The following DENND2B variants were observed in gnomAD, a reference collection of about 807,000 sequenced individuals.
DENND2B encodes DENN domain containing 2B, also known as DENN domain-containing protein 2B.
Under a neutral mutation model 116.0 loss-of-function variants are expected in DENND2B, and 32 were observed. The observed-to-expected ratio is 0.28, with a 90% CI of 0.21 to 0.37. The LOEUF (loss-of-function observed/expected upper bound fraction) is 0.37, where lower values mean the gene tolerates loss of function less well. Among genes scored for constraint, DENND2B ranks in the 10% least tolerant of loss-of-function variants. The pLI, the probability that DENND2B is intolerant of heterozygous loss-of-function variation, is 1.00. For synonymous variants in DENND2B, 588 were observed against 583.9 expected (o/e 1.01, Z -0.10); for missense variants, 1,276 against 1,477.7 (o/e 0.86, Z 2.24).
chr11:8,825,928 T>C (rs1177169306), intron 4 of DENND2B, among the ~76,000 whole-genome samples: 4 of 152,124 alleles, frequency 2.6e-5, no homozygotes, highest in African/African-American at 7.2e-5. Context: ...AGAACAAAAG[T>C]GTTTCCAGGG....
chr11:8,755,939 T>C (rs901217195), intron 1 of DENND2B, among the ~76,000 whole-genome samples: 16 of 152,216 alleles, frequency 1.1e-4, no homozygotes, highest in African/African-American at 3.6e-4. Flanking sequence ...GTAAAGTGCT[T>C]GGCATATCAT....
At chr11:8,902,692 C>T (rs1007611798) in intron 1 of DENND2B, among the ~76,000 whole-genome samples, 1 of 152,180 alleles carries the variant, frequency 6.6e-6, no homozygotes, top group Admixed American at 6.5e-5. Flanking sequence ...AAGGTATCTG[C>T]AGGATTCTGT....
chr11:8,860,532 A>T (rs2063355838), intron 2 of DENND2B, among the ~76,000 whole-genome samples: 1 of 152,164 alleles, frequency 6.6e-6, no homozygotes, highest in Admixed American at 6.6e-5. Context: ...CGCTGCTGAA[A>T]GAAACCACAG....
chr11:8,761,789 T>C (rs2054689278), intron 1 of DENND2B, among the ~76,000 whole-genome samples: 1 of 151,586 alleles, frequency 6.6e-6, no homozygotes, highest in Non-Finnish European at 1.5e-5. Context: ...CGAGTAAGAC[T>C]AGGAAATAAT....
chr11:8,791,185 T>C (rs780529305), intron 1 of DENND2B, among the ~76,000 whole-genome samples: 18 of 152,116 alleles, frequency 1.2e-4, no homozygotes, highest in South Asian at 2.1e-4. Context: ...TGCTGCCACC[T>C]CAGCCAGGGT....
At chr11:8,760,632 A>G (rs917452351) in intron 1 of DENND2B, among the ~76,000 whole-genome samples, 1 of 152,178 alleles carries the variant, frequency 6.6e-6, no homozygotes, top group African/African-American at 2.4e-5. Context: ...AAAAAAGAGA[A>G]GAGAAGAGAA....
chr11:8,872,568 A>T (rs2063799988), upstream of DENND2B, among the ~76,000 whole-genome samples: 1 of 152,184 alleles, frequency 6.6e-6, no homozygotes, highest in South Asian at 2.1e-4. Flanking sequence ...TAATGGCAAG[A>T]ACCAAACTGA....
chr11:8,889,469 G>A (rs995605507), intron 1 of DENND2B, among the ~76,000 whole-genome samples: 1 of 152,262 alleles, frequency 6.6e-6, no homozygotes. Context: ...GGAAACGCAA[G>A]GGTCAGGGAA....
intron 3 of DENND2B, among the ~76,000 whole-genome samples, chr11:8,852,364 AG>A (rs1375365116): frequency 6.6e-6 from 1 of 152,216 alleles, no homozygotes; most frequent in Non-Finnish European, 1.5e-5. Flanking sequence ...GGCCAGGTTC[AG>A]TGGCCTATAA....
chr11:8,864,674 A>G (rs182446884), intron 2 of DENND2B, among the ~76,000 whole-genome samples: 68 of 152,352 alleles, frequency 4.5e-4, no homozygotes, highest in Non-Finnish European at 8.8e-4. Flanking sequence ...ATGCCCGTAC[A>G]CACCCCAGTG....
chr11:8,899,962 GT>G (rs1566091544), intron 1 of DENND2B, among the ~76,000 whole-genome samples: 1 of 152,172 alleles, frequency 6.6e-6, no homozygotes, highest in Non-Finnish European at 1.5e-5. Flanking sequence ...TTGGACAGAA[GT>G]GTCTATATTT....
At chr11:8,794,166 C>T (rs915256566) in intron 1 of DENND2B, among the ~76,000 whole-genome samples, 1 of 152,166 alleles carries the variant, frequency 6.6e-6, no homozygotes, top group African/African-American at 2.4e-5. Context: ...AAAAGTTAGC[C>T]AGATAGACGG....
chr11:8,716,985 G>A (rs871676), intron 5 of DENND2B, among the ~76,000 whole-genome samples: 2 of 152,040 alleles, frequency 1.3e-5, no homozygotes, highest in African/African-American at 4.8e-5. Context: ...TATTCCAAAG[G>A]CAGAAGAAAT....
chr11:8,718,465 T>C (rs757471396), intron 4 of DENND2B: 5 of 1,500,772 alleles, frequency 3.3e-6, no homozygotes, highest in East Asian at 2.5e-5. Context: ...GGGCAGGGTT[T>C]TGTGTTGTTC....
chr11:8,731,829 G>A (rs184727380), intron 2 of DENND2B, among the ~76,000 whole-genome samples: 11 of 152,284 alleles, frequency 7.2e-5, no homozygotes, highest in South Asian at 2.1e-4. Flanking sequence ...CCAATGTGAC[G>A]TCACTGGCTG....
At chr11:8,839,779 T>C (rs2062562375) in intron 3 of DENND2B, among the ~76,000 whole-genome samples, 1 of 152,034 alleles carries the variant, frequency 6.6e-6, no homozygotes, top group Non-Finnish European at 1.5e-5. Flanking sequence ...ACACCTCAGC[T>C]CAAGAAGCAC....
chr11:8,723,361 A>G (rs895471816), intron 4 of DENND2B, among the ~76,000 whole-genome samples: 32 of 152,210 alleles, frequency 2.1e-4, no homozygotes, highest in African/African-American at 7.5e-4. Context: ...CTCTCTGTCC[A>G]GAGTTCCACC....
At chr11:8,741,303 C>A (rs960566817) in intron 2 of DENND2B, among the ~76,000 whole-genome samples, 10 of 152,220 alleles carry the variant, frequency 6.6e-5, no homozygotes, top group Admixed American at 6.5e-4. Context: ...TAAGGAAGCA[C>A]CAAGTGGACC....
chr11:8,787,285 A>G (rs117417445), intron 1 of DENND2B: 2,334 of 152,328 alleles, frequency 0.015, 30 homozygotes, highest in Middle Eastern at 0.071. Context: ...ATTTATATGT[A>G]AGTAAGTATC....
Sources: allele counts gnomAD v4.1 joint callset (sites outside exome capture counted in the v4.1 genomes callset), GRCh38; gene constraint gnomAD v4.1.1; transcripts MANE v1.5; gene names NCBI Gene and HGNC (gene_info 2026-07-23, HGNC 2026-07-21).